The following TVP23A variants were observed in gnomAD, a reference collection of about 807,000 sequenced individuals.
The protein encoded by TVP23A is Golgi apparatus membrane protein TVP23 homolog A.
TVP23A carries 21 observed loss-of-function variants against 31.7 expected under a neutral mutation model. That is an observed-to-expected ratio of 0.66 (90% CI 0.47 to 0.95). TVP23A has a LOEUF of 0.95. Ranked by LOEUF, TVP23A falls within the 40% of genes least tolerant of loss-of-function variation. The pLI is 0.00. For missense variants in TVP23A, 279 were observed against 255.6 expected (o/e 1.09, Z -0.62); for synonymous variants, 104 against 96.0 (o/e 1.08, Z -0.49).
Position 10,797,320 on chromosome 16 carries a change from G to T in TVP23A, c.89+20783C>A, listed in dbSNP as rs542296291. Among the ~76,000 whole-genome samples, 45 of 152,026 alleles carry T rather than the reference G, an allele frequency of 3.0e-4. 1 individual carries two copies. The Middle Eastern group carries it at 0.017, about 57-fold the overall frequency. ...GGCCGAGACGGGCGGATCACCTGAG[G>T]TCGGTAGTTCGAGACCAGCCTTACC... On this transcript the variant is annotated intron_variant, in intron 2 of 7. Coordinates refer to ENST00000299866, the MANE Select transcript of TVP23A (RefSeq NM_001079512.4).
chr16:10,805,336 G>A (rs1026102567), intron 2 of TVP23A, among the ~76,000 whole-genome samples: 3 of 151,868 alleles, frequency 2.0e-5, no homozygotes, highest in Admixed American at 1.3e-4. Context: ...CCAGCCTAAT[G>A]TGATCTTTTC....
intron 2 of TVP23A, among the ~76,000 whole-genome samples, chr16:10,799,137 C>T (rs2033565641): frequency 6.6e-6 from 1 of 152,210 alleles, no homozygotes. Context: ...GTCAAGCCTT[C>T]TGATGACTGC....
chr16:10,768,257 G>A lies in TVP23A; in HGVS notation c.*845C>T. 2.7e-6 allele frequency: 1 copy of A among 372,214 alleles called. No individual in the cohort carries two copies. The allele number at this position is 372,214 out of a possible 1,614,324, so 23.1% of individuals were successfully genotyped here. A position where few individuals can be genotyped will look rare whatever the true frequency, so the allele number is the denominator to read the frequency against. ...GGTGAGGGTGAAATTTATGGCTTAG[G>A]AAATACATCCCAATAAAGGGATAAA... On this transcript the variant is annotated 3_prime_UTR_variant, in exon 8 of 8. Transcript: ENST00000299866. The surrounding 1 kb of genome is among the most constrained non-coding windows in gnomAD (Gnocchi z 4.3).
intron 2 of TVP23A, among the ~76,000 whole-genome samples, chr16:10,778,433 A>G (rs1363737680): frequency 6.6e-6 from 1 of 152,188 alleles, no homozygotes; most frequent in African/African-American, 2.4e-5. Flanking sequence ...CTAATTGAGA[A>G]TTTCCTAACT....
Position 10,770,191 on chromosome 16 carries a change from C to T in TVP23A, c.*81G>A, listed in dbSNP as rs2031466056. Reference sequence around the variant, plus strand: ...AGGGAACAGGGGAAGCCCACCCAGACCCCGGGCCCCTGTGCCCCAAGAGCT... The same window carrying T: ...AGGGAACAGGGGAAGCCCACCCAGATCCCGGGCCCCTGTGCCCCAAGAGCT... On this transcript the variant is annotated intron_variant, in intron 7 of 7. Coordinates refer to ENST00000299866, the MANE Select transcript of TVP23A (RefSeq NM_001079512.4). 4 of 1,521,978 alleles carry T rather than the reference C, an allele frequency of 2.6e-6. No individual in the cohort carries two copies. The South Asian group carries it at 4.8e-5, about 18-fold the overall frequency. The allele number at this position is 1,521,978 out of a possible 1,614,324, so 94.3% of individuals were successfully genotyped here. A position where few individuals can be genotyped will look rare whatever the true frequency, so the allele number is the denominator to read the frequency against.
chr16:10,798,080 C>T (rs566685252), intron 2 of TVP23A, among the ~76,000 whole-genome samples: 6 of 151,052 alleles, frequency 4.0e-5, no homozygotes, highest in Admixed American at 1.3e-4. Flanking sequence ...CTCAGCCTCC[C>T]GAGTAGCTGG....
chr16:10,776,213 CA>C (rs2032009298), intron 2 of TVP23A, among the ~76,000 whole-genome samples: 1 of 150,976 alleles, frequency 6.6e-6, no homozygotes, highest in South Asian at 2.1e-4. Context: ...CATTTCTACT[CA>C]AAATACAAAA....
At chr16:10,792,258 G>C (rs1376633452) in intron 2 of TVP23A, among the ~76,000 whole-genome samples, 1 of 152,072 alleles carries the variant, frequency 6.6e-6, no homozygotes, top group Non-Finnish European at 1.5e-5. Flanking sequence ...TTCTTGGCAC[G>C]AGACAATGAA....
chr16:10,801,569 C>G (rs2033695990), intron 2 of TVP23A, among the ~76,000 whole-genome samples: 1 of 152,036 alleles, frequency 6.6e-6, no homozygotes, highest in Non-Finnish European at 1.5e-5. Flanking sequence ...CGATTCTCAT[C>G]CCTCAGCCTC....
chr16:10,766,757 CA>C lies in TVP23A; in HGVS notation c.*2344del. On this transcript the variant is annotated 3_prime_UTR_variant, in exon 8 of 8. Coordinates refer to ENST00000299866, the MANE Select transcript of TVP23A (RefSeq NM_001079512.4). The surrounding 1 kb of genome is among the most constrained non-coding windows in gnomAD (Gnocchi z 4.8). The stretch of plus-strand genomic sequence containing the variant: ...GAGAACGGGCCTGAGAATAGGGGCT[CA>C]AAGGCCCCATTACAGAGTTTTTGTG... 1 of 396,096 alleles carries C rather than the reference CA, an allele frequency of 2.5e-6. No homozygotes were observed. The allele number at this position is 396,096 out of a possible 1,614,324, so 24.5% of individuals were successfully genotyped here. A position where few individuals can be genotyped will look rare whatever the true frequency, so the allele number is the denominator to read the frequency against.
At chr16:10,814,985 C>T (rs747250416) in intron 2 of TVP23A, among the ~76,000 whole-genome samples, 6 of 152,330 alleles carry the variant, frequency 3.9e-5, no homozygotes, top group Non-Finnish European at 5.9e-5. Context: ...CATGGTATAT[C>T]TACCCTTCCC....
chr16:10,791,683 C>A (rs1433940799), intron 2 of TVP23A, among the ~76,000 whole-genome samples: 2 of 152,222 alleles, frequency 1.3e-5, no homozygotes, highest in East Asian at 1.9e-4. Flanking sequence ...TCTTGGCTCA[C>A]TGCAACCTCC....
At position 10,767,269 on chromosome 16, in the gene TVP23A, C is replaced by T; in HGVS notation, c.*1833G>A. On this transcript the variant is annotated 3_prime_UTR_variant, in exon 8 of 8. Coordinates refer to ENST00000299866, the MANE Select transcript of TVP23A (RefSeq NM_001079512.4). The surrounding 1 kb of genome is among the most constrained non-coding windows in gnomAD (Gnocchi z 4.6). ...CCCTAGCCCCTTGTGTCCTGTCCAC[C>T]TGGCTCTGGGATAACATGGTCCTAG... 2.5e-6 allele frequency: 1 copy of T among 399,090 alleles called. No individual in the cohort carries two copies. The highest frequency in any genetic ancestry group is 4.4e-6 in the Non-Finnish European group (1 of 226,438). 24.7% of individuals were successfully genotyped at this position (399,090 alleles called of 1,614,324 possible).
downstream of TVP23A, chr16:10,762,148 A>T: frequency 3.6e-6 from 1 of 281,086 alleles, no homozygotes; most frequent in Non-Finnish European, 6.8e-6. Context: ...TGAGGAGGGC[A>T]CCCGATAGAG....
rs113438182 is a variant in TVP23A, at chr16:10,769,577, A to T, written c.*1-476T>A. On this transcript the variant is annotated intron_variant, in intron 7 of 7. Coordinates refer to ENST00000299866, the MANE Select transcript of TVP23A (RefSeq NM_001079512.4). ...CCAAACGCTTTTCTTCAGATTGAGG[A>T]AAAATCTAAAAGCAACAGAGCTCAG... is the stretch of plus-strand genomic sequence containing the variant. 2.1e-3 allele frequency: 323 copies of T among 156,320 alleles called. 3 individuals carry two copies. Among genetic ancestry groups the T allele is most frequent in the African/African-American group, 7.2e-3 (301 of 41,596 alleles). The allele number at this position is 156,320 out of a possible 1,614,324, so 9.7% of individuals were successfully genotyped here. A position where few individuals can be genotyped will look rare whatever the true frequency, so the allele number is the denominator to read the frequency against.
At chr16:10,809,445 G>A (rs566372049) in intron 2 of TVP23A, among the ~76,000 whole-genome samples, 49 of 152,358 alleles carry the variant, frequency 3.2e-4, no homozygotes, top group African/African-American at 1.1e-3. Context: ...GGTAAACAGA[G>A]TCATAGAAAA....
chr16:10,774,898 C>G, intron 3 of TVP23A, 54 bp downstream of exon 3: 1 of 1,543,240 alleles, frequency 6.5e-7, no homozygotes, highest in Non-Finnish European at 8.9e-7. Flanking sequence ...ACCACGCACA[C>G]AGGGGACAAG....
intron 7 of TVP23A, among the ~76,000 whole-genome samples, chr16:10,769,843 G>C (rs1487188580): frequency 6.6e-6 from 1 of 152,158 alleles, no homozygotes; most frequent in Admixed American, 6.5e-5. Context: ...TTGCCATGAG[G>C]TGCTTGCTCT....
At chr16:10,780,722 C>T (rs1313268031) in intron 2 of TVP23A, among the ~76,000 whole-genome samples, 1 of 152,144 alleles carries the variant, frequency 6.6e-6, no homozygotes, top group African/African-American at 2.4e-5. Flanking sequence ...ACACTGAAAA[C>T]ATCGGGTGAG....
Sources: allele counts gnomAD v4.1 joint callset (sites outside exome capture counted in the v4.1 genomes callset), GRCh38; gene constraint gnomAD v4.1.1; non-coding constraint Gnocchi (gnomAD v3.1); transcripts MANE v1.5; gene names NCBI Gene and HGNC (gene_info 2026-07-23, HGNC 2026-07-21).